Variants in BCKDHB observed in about 807,000 individuals in gnomAD.
The protein encoded by BCKDHB is 2-oxoisovalerate dehydrogenase subunit beta, mitochondrial.
In BCKDHB, 41 loss-of-function variants were observed where a neutral mutation model predicts 48.5. That is an observed-to-expected ratio of 0.85 (90% confidence interval 0.66 to 1.10). BCKDHB has a LOEUF of 1.10. BCKDHB is among the 50% of genes least tolerant of loss of function. The pLI, the probability that BCKDHB is intolerant of heterozygous loss-of-function variation, is 0.00. For synonymous variants in BCKDHB, 201 were observed against 174.8 expected, an observed-to-expected ratio of 1.15 and a Z score of -1.18; for missense variants, 496 against 494.2, an observed-to-expected ratio of 1.00 and a Z score of -0.03.
chr6:80,446,603 A>C, the BCKDHB span, among the ~76,000 whole-genome samples: 1 of 152,018 alleles, frequency 6.6e-6, no homozygotes, highest in East Asian at 1.9e-4. Flanking sequence ...GCAGGTACAG[A>C]GTGGGAGGAA....
chr6:80,435,585 T>G, the BCKDHB span, among the ~76,000 whole-genome samples: 1 of 152,210 alleles, frequency 6.6e-6, no homozygotes, highest in South Asian at 2.1e-4. Flanking sequence ...TTATTCCACT[T>G]TTTTTCAAGA....
intron 3 of BCKDHB, among the ~76,000 whole-genome samples, chr6:80,160,264 C>T (rs921095881): frequency 3.9e-5 from 6 of 152,024 alleles, no homozygotes; most frequent in African/African-American, 1.4e-4. Flanking sequence ...TCAAGCGATT[C>T]TCCTGCCTCA....
At chr6:80,190,287 A>G (rs1331733986) in intron 6 of BCKDHB, among the ~76,000 whole-genome samples, 1 of 152,212 alleles carries the variant, frequency 6.6e-6, no homozygotes, top group Non-Finnish European at 1.5e-5. Context: ...TTTTAAACAA[A>G]TATGGCAAGC....
intron 8 of BCKDHB, among the ~76,000 whole-genome samples, chr6:80,236,544 C>T (rs1776154309): frequency 6.6e-6 from 1 of 152,186 alleles, no homozygotes. Context: ...AAAGCTAAAG[C>T]CCTCACTGTA....
At chr6:80,391,175 A>ATGTGTGTG in the BCKDHB span, among the ~76,000 whole-genome samples, 107,961 of 143,802 alleles carry the variant, frequency 0.75, 43,308 homozygotes, top group Non-Finnish European at 0.9. Context: ...ATGCATATAT[A>ATGTGTGTG]TATGTGTGTG....
At chr6:80,121,536 G>A (rs1205502800) in intron 1 of BCKDHB, among the ~76,000 whole-genome samples, 5 of 152,026 alleles carry the variant, frequency 3.3e-5, no homozygotes, top group African/African-American at 7.2e-5. Flanking sequence ...CTTTTATTTT[G>A]TTGAGCAGTG....
the BCKDHB span, among the ~76,000 whole-genome samples, chr6:80,365,501 G>T: frequency 6.6e-6 from 1 of 151,744 alleles, no homozygotes; most frequent in Non-Finnish European, 1.5e-5. Context: ...TCCTACTTGC[G>T]TGTCCGTTTA....
intron 9 of BCKDHB, among the ~76,000 whole-genome samples, chr6:80,275,974 C>T (rs1052917084): frequency 6.6e-6 from 1 of 151,828 alleles, no homozygotes; most frequent in Non-Finnish European, 1.5e-5. Context: ...AAAGATAAAA[C>T]AGGGTTAAGA....
the BCKDHB span, among the ~76,000 whole-genome samples, chr6:80,414,385 G>A: frequency 1.3e-5 from 2 of 151,984 alleles, no homozygotes; most frequent in South Asian, 4.1e-4. Context: ...TTTCCAGGAT[G>A]GTATTTTCTA....
intron 9 of BCKDHB, among the ~76,000 whole-genome samples, chr6:80,294,228 T>A (rs908894908): frequency 6.6e-6 from 1 of 152,212 alleles, no homozygotes; most frequent in African/African-American, 2.4e-5. Context: ...TTATCGGTTC[T>A]CAAATAATAC....
rs369099741 is a variant in BCKDHB at position 80,302,678 on chromosome 6, C to T, written c.1038+29457C>T. Reference sequence around the variant, plus strand: ...AATGAGCTTGAGTTTTCTAGCTGGTCGAATTTTAAACACAACAACCAGTTA... The same window carrying T: ...AATGAGCTTGAGTTTTCTAGCTGGTTGAATTTTAAACACAACAACCAGTTA... On this transcript the variant is annotated intron_variant, in intron 9 of 9. Transcript: ENST00000320393. Among the ~76,000 whole-genome samples, 5 of 152,078 alleles carry T rather than the reference C, an allele frequency of 3.3e-5. No homozygotes were observed. The East Asian group carries it at 9.6e-4, about 29-fold the overall frequency.
At chr6:80,187,706 G>GCCAA (rs1773710418) in intron 6 of BCKDHB, among the ~76,000 whole-genome samples, 1 of 152,094 alleles carries the variant, frequency 6.6e-6, no homozygotes, top group Non-Finnish European at 1.5e-5. Context: ...CAATCATGTA[G>GCCAA]CCAACAAGCA....
chr6:80,348,296 A>G (rs1770297241), downstream of BCKDHB, among the ~76,000 whole-genome samples: 1 of 152,192 alleles, frequency 6.6e-6, no homozygotes, highest in African/African-American at 2.4e-5. Flanking sequence ...TTCTTGGTCA[A>G]AATGTTTAGA....
In BCKDHB at chr6:80,169,146, A is replaced by T. The variant is rs557858343; in HGVS notation, c.633+116A>T. On this transcript the variant is annotated intron_variant, in intron 5 of 9. Transcript: ENST00000320393. Reference sequence around the variant, plus strand: ...AAAACAAACAGGATTCTTGGAATTTATGTGAACTTAACTGTATTTAAGAAG... The same window carrying T: ...AAAACAAACAGGATTCTTGGAATTTTTGTGAACTTAACTGTATTTAAGAAG... 2.1e-4 allele frequency: 283 copies of T among 1,369,996 alleles called. 4 individuals are homozygous for T. In the South Asian group the frequency reaches 2.9e-3, roughly 14 times the overall value. 84.9% of individuals were successfully genotyped at this position (1,369,996 alleles called of 1,614,324 possible). A position where few individuals can be genotyped will look rare whatever the true frequency, so the allele number is the denominator to read the frequency against.
chr6:80,250,832 A>G (rs1776809042), intron 8 of BCKDHB, among the ~76,000 whole-genome samples: 1 of 152,174 alleles, frequency 6.6e-6, no homozygotes, highest in South Asian at 2.1e-4. Context: ...CAAGTCACTT[A>G]ACCTCTCTAG....
At position 80,160,260 on chromosome 6, in the gene BCKDHB, G is replaced by A. The variant is rs534847518; in HGVS notation, c.344-7418G>A. On this transcript the variant is annotated intron_variant, in intron 3 of 9. Transcript: ENST00000320393. ...CAGCCTCTGCCTCCTGGGTTCAAGC[G>A]ATTCTCCTGCCTCAGCCTCCCAAGT... 2.2e-3 allele frequency among the ~76,000 whole-genome samples: 334 copies of A among 152,034 alleles called. 1 individual carries two copies. Among genetic ancestry groups the A allele is most frequent in the Middle Eastern group, 0.014 (4 of 294 alleles).
intron 8 of BCKDHB, among the ~76,000 whole-genome samples, chr6:80,235,520 G>A (rs1562161652): frequency 6.6e-6 from 1 of 152,142 alleles, no homozygotes; most frequent in African/African-American, 2.4e-5. Flanking sequence ...CTACAAAGTA[G>A]AAGAGATTAT....
chr6:80,406,268 T>G, the BCKDHB span, among the ~76,000 whole-genome samples: 2 of 152,244 alleles, frequency 1.3e-5, no homozygotes, highest in African/African-American at 4.8e-5. Flanking sequence ...CTGTTGTGAA[T>G]AGTGCCGCAA....
chr6:80,252,882 T>C (rs1031465323), intron 8 of BCKDHB, among the ~76,000 whole-genome samples: 3 of 152,160 alleles, frequency 2.0e-5, no homozygotes, highest in Non-Finnish European at 4.4e-5. Flanking sequence ...TAAAGTTCTG[T>C]ATAGTCTAGA....
Sources: allele counts gnomAD v4.1 joint callset (sites outside exome capture counted in the v4.1 genomes callset), GRCh38; gene constraint gnomAD v4.1.1; transcripts MANE v1.5; gene names NCBI Gene and HGNC (gene_info 2026-07-23, HGNC 2026-07-21).